The following EPHB1 variants were observed in gnomAD, a reference collection of about 807,000 sequenced individuals.
The protein encoded by EPHB1 is EPH receptor B1, also known as ephrin type-B receptor 1.
A neutral mutation model predicts 94.4 loss-of-function variants in EPHB1; 30 were observed. The observed-to-expected ratio is 0.32, with a 90% CI of 0.24 to 0.43. EPHB1 has a LOEUF of 0.43. EPHB1 is among the 20% of genes least tolerant of loss of function. The pLI is 1.00. For synonymous variants in EPHB1, 522 were observed against 489.1 expected (o/e 1.07, Z -0.89); for missense variants, 1,055 against 1,308.3 (o/e 0.81, Z 2.99).
chr3:135,189,853 C>T (rs1425308086), intron 10 of EPHB1, among the ~76,000 whole-genome samples: 1 of 152,202 alleles, frequency 6.6e-6, no homozygotes, highest in Non-Finnish European at 1.5e-5. Context: ...TCTGATGCCA[C>T]CCAACTCCCA....
chr3:134,924,464 G>A (rs1256579410), intron 1 of EPHB1, among the ~76,000 whole-genome samples: 1 of 152,182 alleles, frequency 6.6e-6, no homozygotes, highest in Non-Finnish European at 1.5e-5. Flanking sequence ...ATTTATGGAT[G>A]ACAAATAAGT....
intron 3 of EPHB1, among the ~76,000 whole-genome samples, chr3:135,094,333 A>G (rs949138481): frequency 3.3e-5 from 5 of 152,252 alleles, no homozygotes; most frequent in Admixed American, 6.5e-5. Context: ...CTGGTCCCTT[A>G]CTTCCCTGTT....
chr3:135,089,297 G>A (rs1042554421), intron 3 of EPHB1, among the ~76,000 whole-genome samples: 5 of 152,186 alleles, frequency 3.3e-5, no homozygotes, highest in Admixed American at 6.5e-5. Flanking sequence ...ACTTATTTGA[G>A]CCTTAGTTTT....
intron 3 of EPHB1, among the ~76,000 whole-genome samples, chr3:135,089,692 G>C (rs542425533): frequency 6.6e-6 from 1 of 152,196 alleles, no homozygotes; most frequent in Non-Finnish European, 1.5e-5. Context: ...GAGCAATGTC[G>C]TGTTCACCTG....
intron 9 of EPHB1, among the ~76,000 whole-genome samples, chr3:135,172,492 A>T (rs1195211914): frequency 6.6e-6 from 1 of 152,222 alleles, no homozygotes; most frequent in Non-Finnish European, 1.5e-5. Flanking sequence ...TAGACAGGAT[A>T]TTGGACAAAA....
chr3:134,955,173 T>TGTATAC (rs1330189794), intron 3 of EPHB1, among the ~76,000 whole-genome samples: 3 of 59,586 alleles, frequency 5.0e-5, no homozygotes, highest in Non-Finnish European at 9.4e-5. Flanking sequence ...TAGTTACATA[T>TGTATAC]GTATACATGT....
At chr3:134,922,354 C>T (rs2038705463) in intron 1 of EPHB1, among the ~76,000 whole-genome samples, 1 of 152,166 alleles carries the variant, frequency 6.6e-6, no homozygotes, top group African/African-American at 2.4e-5. Flanking sequence ...AAGAAACTGC[C>T]CTTCATCATA....
chr3:135,234,488 ACT>A (rs1441249593), intron 12 of EPHB1, among the ~76,000 whole-genome samples: 3 of 152,174 alleles, frequency 2.0e-5, no homozygotes, highest in Non-Finnish European at 4.4e-5. Context: ...TCTGCCTGTT[ACT>A]CAGTTCCAAA....
At chr3:134,902,790 A>G (rs2038229720) in intron 1 of EPHB1, among the ~76,000 whole-genome samples, 3 of 152,214 alleles carry the variant, frequency 2.0e-5, no homozygotes, top group Admixed American at 2.0e-4. Flanking sequence ...GAGTAGGGTG[A>G]GTGTCAGCAG....
chr3:134,941,940 C>T (rs2039128030), intron 2 of EPHB1, among the ~76,000 whole-genome samples: 1 of 152,188 alleles, frequency 6.6e-6, no homozygotes, highest in South Asian at 2.1e-4. Flanking sequence ...CTTTCTCATA[C>T]ATCAAAGTCA....
chr3:135,169,024 G>A (rs748277673), intron 9 of EPHB1, among the ~76,000 whole-genome samples: 7 of 152,042 alleles, frequency 4.6e-5, no homozygotes, highest in African/African-American at 7.2e-5. Flanking sequence ...GTGCCCTTTC[G>A]GCTACTGCAA....
intron 9 of EPHB1, 99 bp from the exon 10 acceptor site, chr3:135,179,761 C>A: frequency 1.4e-6 from 2 of 1,443,432 alleles, no homozygotes; most frequent in Non-Finnish European, 1.9e-6. Flanking sequence ...TGTAGGAGAG[C>A]TCCTCCCAGG....
At chr3:135,053,297 G>A (rs1654611821) in intron 3 of EPHB1, among the ~76,000 whole-genome samples, 2 of 151,728 alleles carry the variant, frequency 1.3e-5, no homozygotes, top group South Asian at 4.2e-4. Flanking sequence ...AATATCATAT[G>A]GAGCCCATAA....
At chr3:135,160,124 C>T (rs1311179310) in intron 6 of EPHB1, among the ~76,000 whole-genome samples, 1 of 152,142 alleles carries the variant, frequency 6.6e-6, no homozygotes, top group African/African-American at 2.4e-5. Flanking sequence ...TTTACCAGTC[C>T]ACCCACAGAT....
chr3:135,179,738 T>A, intron 9 of EPHB1, 122 bp from the exon 10 acceptor site: 1 of 1,170,548 alleles, frequency 8.5e-7, no homozygotes, highest in South Asian at 1.5e-5. Context: ...CAGAGAAAAG[T>A]TGCAGCCTGG....
At chr3:134,948,647 A>G (rs1176592389) in intron 2 of EPHB1, among the ~76,000 whole-genome samples, 1 of 152,242 alleles carries the variant, frequency 6.6e-6, no homozygotes, top group Non-Finnish European at 1.5e-5. Flanking sequence ...GAGGTGAGAC[A>G]TCTCTTCCGT....
intron 1 of EPHB1, among the ~76,000 whole-genome samples, chr3:134,872,661 T>C (rs2037525935): frequency 6.6e-6 from 1 of 152,226 alleles, no homozygotes; most frequent in Non-Finnish European, 1.5e-5. Flanking sequence ...CTCAATTACA[T>C]GAGTGATCAT....
chr3:135,187,922 G>A (rs1942368588), intron 10 of EPHB1, among the ~76,000 whole-genome samples: 1 of 152,160 alleles, frequency 6.6e-6, no homozygotes, highest in African/African-American at 2.4e-5. Flanking sequence ...AAACAGGCCT[G>A]GCATGGTGGC....
chr3:135,036,545 G>A lies in EPHB1; in HGVS notation c.806-69903G>A, dbSNP rs182405258. ...GTACCTGCAGGCTTGCACAGTTCAA[G>A]TGTTGCTGTCTTCTACATTAACTTC... On this transcript the variant is annotated intron_variant, in intron 3 of 15. Coordinates refer to ENST00000398015, the MANE Select transcript of EPHB1 (RefSeq NM_004441.5). Among the ~76,000 whole-genome samples, 107 of 152,266 alleles carry A rather than the reference G, an allele frequency of 7.0e-4. 1 individual carries two copies. The highest frequency in any genetic ancestry group is 6.8e-3 in the Admixed American group (104 of 15,298).
Sources: gnomAD v4.1 joint callset for allele counts (sites outside exome capture counted in the v4.1 genomes callset) on GRCh38, gnomAD v4.1.1 for gene constraint, MANE v1.5 for transcripts, NCBI Gene and HGNC (gene_info 2026-07-23, HGNC 2026-07-21) for gene names.